FHOD3: variants seen among roughly 807,000 people sequenced by gnomAD.
FHOD3 encodes formin homology 2 domain containing 3.
In FHOD3, 90 loss-of-function variants were observed where a neutral mutation model predicts 173.0. That is an observed-to-expected ratio of 0.52 (90% CI 0.44 to 0.62). The LOEUF (loss-of-function observed/expected upper bound fraction) is 0.62. Among genes scored for constraint, FHOD3 ranks in the 20% least tolerant of loss-of-function variants. The probability of loss-of-function intolerance (pLI) is 0.00; values close to 1 mark genes in which losing one functional copy is unlikely to be tolerated. For synonymous variants in FHOD3, 828 were observed against 823.0 expected, an observed-to-expected ratio of 1.01 and a Z score of -0.10; for missense variants, 1,945 against 2,034.7, an observed-to-expected ratio of 0.96 and a Z score of 0.85.
At chr18:36,381,842 T>G (rs746548978) in intron 3 of FHOD3, among the ~76,000 whole-genome samples, 12 of 152,216 alleles carry the variant, frequency 7.9e-5, no homozygotes, top group Non-Finnish European at 1.2e-4. Flanking sequence ...AAGTACCATG[T>G]GCTAACAGAT....
At chr18:36,497,473 G>A (rs1599386099) in intron 3 of FHOD3, among the ~76,000 whole-genome samples, 2 of 152,174 alleles carry the variant, frequency 1.3e-5, no homozygotes, top group African/African-American at 4.8e-5. Flanking sequence ...TAAGCAAGAT[G>A]CAACTATATA....
Position 36,671,901 on chromosome 18 carries a change from A to G in FHOD3, c.1836-9535A>G, listed in dbSNP as rs554778628. Among the ~76,000 whole-genome samples, 16 of 152,286 alleles carry G rather than the reference A, an allele frequency of 1.1e-4. No individual in the cohort carries two copies. In the East Asian group the frequency reaches 2.9e-3, roughly 28 times the overall value. ...AAAACAGTGAAGGAACGAACCAATC[A>G]TTTGTGACGATGTGCCGAAAGGACA... On this transcript the variant is annotated intron_variant, in intron 14 of 28. Transcript: ENST00000590592.
At chr18:36,434,904 A>T (rs758468426) in intron 3 of FHOD3, among the ~76,000 whole-genome samples, 19 of 152,104 alleles carry the variant, frequency 1.2e-4, no homozygotes, top group Non-Finnish European at 2.9e-5. Flanking sequence ...CAATTTTGCT[A>T]AACTTATTAT....
chr18:36,315,333 C>G (rs1291535073), intron 1 of FHOD3, among the ~76,000 whole-genome samples: 1 of 152,114 alleles, frequency 6.6e-6, no homozygotes, highest in East Asian at 1.9e-4. Flanking sequence ...TCTTCATTTC[C>G]AGGCCTTTCC....
chr18:36,624,330 G>A (rs1419734492), intron 9 of FHOD3, among the ~76,000 whole-genome samples: 1 of 152,222 alleles, frequency 6.6e-6, no homozygotes, highest in Non-Finnish European at 1.5e-5. Flanking sequence ...GAGGGTACAA[G>A]TAATTTATGA....
At chr18:36,471,364 G>T (rs753644386) in intron 3 of FHOD3, among the ~76,000 whole-genome samples, 51 of 152,164 alleles carry the variant, frequency 3.4e-4, no homozygotes, top group Admixed American at 1.0e-3. Context: ...CTTTCTCAAG[G>T]TTTCCTGAGG....
intron 5 of FHOD3, among the ~76,000 whole-genome samples, chr18:36,568,501 C>A (rs1367121894): frequency 6.6e-6 from 1 of 151,838 alleles, no homozygotes; most frequent in Admixed American, 6.6e-5. Context: ...CCCCTGGGCT[C>A]CACACAGACT....
intron 9 of FHOD3, among the ~76,000 whole-genome samples, chr18:36,620,435 T>G (rs2033612994): frequency 6.6e-6 from 1 of 152,152 alleles, no homozygotes; most frequent in Non-Finnish European, 1.5e-5. Context: ...CTTCTGTTTG[T>G]CCCCCTACTG....
chr18:36,444,347 A>G (rs2051341163), intron 3 of FHOD3, among the ~76,000 whole-genome samples: 1 of 152,138 alleles, frequency 6.6e-6, no homozygotes, highest in Non-Finnish European at 1.5e-5. Flanking sequence ...TTAGATTCAC[A>G]AAATGGAGTA....
chr18:36,319,082 C>A (rs1049088404), intron 1 of FHOD3, among the ~76,000 whole-genome samples: 1 of 152,148 alleles, frequency 6.6e-6, no homozygotes, highest in Non-Finnish European at 1.5e-5. Flanking sequence ...CTGACTTGAT[C>A]ATGGCAGATA....
intron 3 of FHOD3, among the ~76,000 whole-genome samples, chr18:36,436,319 A>G (rs2050807289): frequency 6.6e-6 from 1 of 152,030 alleles, no homozygotes. Flanking sequence ...CAGATTGTTG[A>G]TTTTTTTTAT....
chr18:36,687,188 T>A lies in FHOD3; in HGVS notation c.2021+10T>A. 6.2e-7 allele frequency: 1 copy of A among 1,600,642 alleles called. No homozygotes were observed. Among genetic ancestry groups the A allele is most frequent in the Non-Finnish European group, 8.6e-7 (1 of 1,169,348 alleles). On this transcript the variant is annotated intron_variant, in intron 16 of 28. Transcript: ENST00000590592. ...AAGCAAGAGAAGAAAGGTTTGTATA[T>A]TTCTTCTTTCCCATTGTAACAAATG...
chr18:36,758,789 C>T (rs1013299890), intron 25 of FHOD3, among the ~76,000 whole-genome samples: 3 of 152,208 alleles, frequency 2.0e-5, no homozygotes, highest in Non-Finnish European at 4.4e-5. Flanking sequence ...ACTCTCAGCA[C>T]GATGCACAGC....
rs997947594 is a variant in FHOD3 at position 36,309,129 on chromosome 18, C to T, written c.165+11129C>T. Among the ~76,000 whole-genome samples the T allele has an allele frequency of 2.6e-5, 4 of 152,294 alleles. No individual in the cohort carries two copies. In the East Asian group the frequency reaches 5.8e-4, roughly 22 times the overall value. ...TCGTGGGTGGGGTGGGTATTGGGGT[C>T]TTCTCTTATGGAGGGAGACCAGGCC... is the stretch of plus-strand genomic sequence containing the variant. On this transcript the variant is annotated intron_variant, in intron 1 of 28. Transcript: ENST00000590592.
At chr18:36,387,876 T>C (rs573395178) in intron 3 of FHOD3, among the ~76,000 whole-genome samples, 30 of 151,944 alleles carry the variant, frequency 2.0e-4, no homozygotes, top group Non-Finnish European at 3.5e-4. Context: ...AGTGAGACTG[T>C]GTGACCATTA....
chr18:36,514,592 C>T (rs1024574779), intron 5 of FHOD3, among the ~76,000 whole-genome samples: 4 of 152,110 alleles, frequency 2.6e-5, no homozygotes, highest in African/African-American at 9.7e-5. Flanking sequence ...ATTTTTTGTT[C>T]ATGTTTAAAG....
At chr18:36,402,506 T>TACACACACACACACACACACACAC (rs146120105) in intron 3 of FHOD3, among the ~76,000 whole-genome samples, 1 of 143,906 alleles carries the variant, frequency 6.9e-6, no homozygotes. Flanking sequence ...GATGCAATTA[T>TACACACACACACACACACACACAC]ACACACACAC....
intron 10 of FHOD3, among the ~76,000 whole-genome samples, chr18:36,639,659 T>C: frequency 1.0e-5 from 1 of 99,660 alleles, no homozygotes; most frequent in East Asian, 3.6e-4. Context: ...CGAGACTCCA[T>C]CTCAAAAAAA....
intron 10 of FHOD3, among the ~76,000 whole-genome samples, chr18:36,639,106 C>T (rs1261302346): frequency 2.0e-5 from 3 of 151,952 alleles, no homozygotes; most frequent in African/African-American, 7.2e-5. Context: ...TGTTTTTTGC[C>T]TCTGAAGGCT....
Sources: allele counts gnomAD v4.1 joint callset (sites outside exome capture counted in the v4.1 genomes callset), GRCh38; gene constraint gnomAD v4.1.1; transcripts MANE v1.5; gene names NCBI Gene and HGNC (gene_info 2026-07-23, HGNC 2026-07-21).